MPDZ: variants seen among roughly 807,000 people sequenced by gnomAD.
MPDZ encodes multiple PDZ domain protein.
In MPDZ, 234 loss-of-function variants were observed where a neutral mutation model predicts 239.1. The ratio of observed to expected loss-of-function variants is 0.98; its 90% CI spans 0.88 to 1.09. The LOEUF is 1.09. Ranked by LOEUF, MPDZ falls within the 50% of genes least tolerant of loss-of-function variation. The pLI is 0.00. For missense variants in MPDZ, 3,175 were observed against 2,510.0 expected, an observed-to-expected ratio of 1.26 and a Z score of -5.66; for synonymous variants, 1,048 against 881.3, an observed-to-expected ratio of 1.19 and a Z score of -3.35.
intron 6 of MPDZ, among the ~76,000 whole-genome samples, chr9:13,221,920 T>C (rs1587909796): frequency 6.6e-6 from 1 of 152,168 alleles, no homozygotes; most frequent in East Asian, 1.9e-4. Flanking sequence ...ACAATATAAT[T>C]GTATAATTTT....
intron 5 of MPDZ, among the ~76,000 whole-genome samples, chr9:13,222,757 A>G (rs1005424157): frequency 2.0e-5 from 3 of 152,076 alleles, no homozygotes; most frequent in African/African-American, 7.2e-5. Flanking sequence ...ATATATCTAT[A>G]CAGTTGGCCT....
intron 16 of MPDZ, 97 bp from the exon 17 acceptor site, chr9:13,189,090 A>C: frequency 1.1e-4 from 118 of 1,034,436 alleles, no homozygotes; most frequent in Non-Finnish European, 1.5e-4. Flanking sequence ...TAATTGTCTC[A>C]AGTGCCTTTA....
At chr9:13,235,045 A>C (rs1447553189) in intron 3 of MPDZ, among the ~76,000 whole-genome samples, 2 of 152,132 alleles carry the variant, frequency 1.3e-5, no homozygotes, top group Non-Finnish European at 2.9e-5. Flanking sequence ...GCAAGTTTGG[A>C]ACCTAGAGAG....
In MPDZ at chr9:13,109,062, A is replaced by G; in HGVS notation, c.5943-3T>C. On this transcript the variant is annotated splice_region_variant and splice_polypyrimidine_tract_variant and intron_variant, in intron 45 of 46. Transcript: ENST00000319217. ...TAATAGACTTACATTGAGGAGGTCT[A>G]CGGTGAAGGAAAGGAAAAAGAGGTT... 7.1e-7 allele frequency: 1 copy of G among 1,417,150 alleles called. No homozygotes were observed. The highest frequency in any genetic ancestry group is 1.9e-5 in the South Asian group (1 of 53,802). The allele number at this position is 1,417,150 out of a possible 1,614,324, so 87.8% of individuals were successfully genotyped here.
rs561954726 is a variant in MPDZ, at chr9:13,123,907, T to C, written c.4808-609A>G. 6.6e-5 allele frequency among the ~76,000 whole-genome samples: 10 copies of C among 152,316 alleles called. No homozygotes were observed. In the East Asian group the frequency reaches 1.9e-3, roughly 29 times the overall value. On this transcript the variant is annotated intron_variant, in intron 35 of 46. Coordinates refer to ENST00000319217, the MANE Select transcript of MPDZ (RefSeq NM_001378778.1). ...TGGGTCTCACTTGATGTTTTATACA[T>C]TCAGATGTCAAATCCTGGTGCATAT...
intron 1 of MPDZ, among the ~76,000 whole-genome samples, chr9:13,275,777 A>G (rs1974040112): frequency 6.6e-6 from 1 of 152,136 alleles, no homozygotes. Flanking sequence ...TTCCCTATCC[A>G]ACCTTTTCCC....
chr9:13,147,157 A>C (rs1948543461), intron 26 of MPDZ, among the ~76,000 whole-genome samples: 1 of 152,144 alleles, frequency 6.6e-6, no homozygotes, highest in South Asian at 2.1e-4. Flanking sequence ...CTAGAGAATA[A>C]ATTTCAAGAA....
chr9:13,236,235 ATG>A (rs1283618375), intron 3 of MPDZ, among the ~76,000 whole-genome samples: 986 of 24,052 alleles, frequency 0.041, 244 homozygotes, highest in Middle Eastern at 0.11. Context: ...GTATATGTAT[ATG>A]TGTGTGTGTG....
intron 3 of MPDZ, among the ~76,000 whole-genome samples, chr9:13,229,627 T>G (rs1315353883): frequency 6.7e-6 from 1 of 149,106 alleles, no homozygotes; most frequent in Non-Finnish European, 1.5e-5. Flanking sequence ...CCACACACAA[T>G]TACCTTAGAT....
Position 13,188,813 on chromosome 9 carries a change from C to T in MPDZ, c.2335G>A (p.Val779Met). Residue 779 changes from valine (V) to methionine (M), a missense_variant, in exon 17 of 47, where the codon GTG (valine) becomes ATG (methionine). Coordinates refer to ENST00000319217, the MANE Select transcript of MPDZ (RefSeq NM_001378778.1). ...AAAGGCTTAGCAACTCCTATTCTCA[C>T]AGTCCCTGACGGTGCTCCCTTCAGT... The part of the protein sequence containing the change: ...EALKGAPSGT[V>M]RIGVAKPLPL... The T allele has an allele frequency of 6.2e-7, 1 of 1,613,318 alleles. No individual in the cohort carries two copies. The highest frequency in any genetic ancestry group is 1.1e-5 in the South Asian group (1 of 91,044).
intron 38 of MPDZ, chr9:13,120,717 G>T (rs1944218006): frequency 1.3e-5 from 2 of 152,174 alleles, no homozygotes; most frequent in African/African-American, 4.8e-5. Flanking sequence ...GCAGAACCAG[G>T]TGTCTATGCT....
chr9:13,112,904 C>T (rs1239557727), intron 42 of MPDZ, 107 bp downstream of exon 42: 2 of 1,104,608 alleles, frequency 1.8e-6, no homozygotes, highest in African/African-American at 1.6e-5. Flanking sequence ...AGAATACATA[C>T]TTTTTGAGAT....
chr9:13,264,619 T>C (rs771926319), intron 1 of MPDZ, among the ~76,000 whole-genome samples: 2 of 150,522 alleles, frequency 1.3e-5, no homozygotes, highest in Non-Finnish European at 2.9e-5. Flanking sequence ...CATTGCATTA[T>C]ATTTATTTCC....
intron 19 of MPDZ, among the ~76,000 whole-genome samples, chr9:13,180,290 G>A (rs1483324073): frequency 6.6e-6 from 1 of 152,126 alleles, no homozygotes; most frequent in Non-Finnish European, 1.5e-5. Context: ...TAGTTGAGTT[G>A]ACGTACAAGG....
At position 13,123,317 on chromosome 9, in the gene MPDZ, T is replaced by C. The variant is rs772117712; in HGVS notation, c.4808-19A>G. 3.2e-5 allele frequency: 50 copies of C among 1,575,478 alleles called. No individual in the cohort carries two copies. Among genetic ancestry groups the C allele is most frequent in the Non-Finnish European group, 3.9e-5 (45 of 1,160,478 alleles). ...CTTGTATCTAAAAATAAGTTAAAAA[T>C]GAAATACAAATAAAAATTGGTTACT... On this transcript the variant is annotated intron_variant, in intron 35 of 46. Coordinates refer to ENST00000319217, the MANE Select transcript of MPDZ (RefSeq NM_001378778.1).
At chr9:13,228,920 T>A (rs1961513070) in intron 3 of MPDZ, among the ~76,000 whole-genome samples, 1 of 152,168 alleles carries the variant, frequency 6.6e-6, no homozygotes, top group Non-Finnish European at 1.5e-5. Context: ...ATTTAGCTGG[T>A]ACAAGCTAGC....
Position 13,125,217 on chromosome 9 carries a change from TC to T in MPDZ, c.4805del (p.Arg1602GlnfsTer40). On this transcript the variant is annotated frameshift_variant and splice_region_variant, in exon 35 of 47. Transcript: ENST00000319217. LOFTEE classifies it high-confidence loss of function. ...CTCTCATGAGTCCAGAGGCCTTACT[TC>T]GGATGGACTCCGGTTCTGGGGAGCC... The part of the protein sequence containing the change: ...QSGSPEPESI[R>X]NTSRSSTPAI... The T allele has an allele frequency of 6.3e-7, 1 of 1,590,342 alleles. No homozygotes were observed. Among genetic ancestry groups the T allele is most frequent in the Non-Finnish European group, 8.6e-7 (1 of 1,165,734 alleles).
At position 13,250,396 on chromosome 9, in the gene MPDZ, G is replaced by A. The variant is rs142180353; in HGVS notation, c.-57-24C>T. 1.2e-5 allele frequency: 15 copies of A among 1,251,800 alleles called. No individual in the cohort carries two copies. The African/African-American group carries it at 1.6e-4, about 14-fold the overall frequency. 77.5% of individuals were successfully genotyped at this position (1,251,800 alleles called of 1,614,324 possible). A position where few individuals can be genotyped will look rare whatever the true frequency, so the allele number is the denominator to read the frequency against. On this transcript the variant is annotated intron_variant, in intron 1 of 46. Coordinates refer to ENST00000319217, the MANE Select transcript of MPDZ (RefSeq NM_001378778.1). ...CTCTGTGCAAAAAAGAAATAGAATG[G>A]TTATGTTTTATCAGAACTTTATATT...
rs1942547507 is a variant in MPDZ at position 13,111,918 on chromosome 9, A to G, written c.5724+106T>C. The G allele has an allele frequency of 2.6e-6, 3 of 1,135,916 alleles. No homozygotes were observed. The Admixed American group carries it at 7.1e-5, about 27-fold the overall frequency. The allele number at this position is 1,135,916 out of a possible 1,614,324, so 70.4% of individuals were successfully genotyped here. A position where few individuals can be genotyped will look rare whatever the true frequency, so the allele number is the denominator to read the frequency against. On this transcript the variant is annotated intron_variant, in intron 43 of 46. Coordinates refer to ENST00000319217, the MANE Select transcript of MPDZ (RefSeq NM_001378778.1). The stretch of plus-strand genomic sequence containing the variant: ...GTTGGATTAGATGATTTAAAAGTAA[A>G]TATAGATATTTAAAACTGCCTTGCA...
Sources: allele counts gnomAD v4.1 joint callset (sites outside exome capture counted in the v4.1 genomes callset), GRCh38; gene constraint gnomAD v4.1.1; transcripts MANE v1.5; gene names NCBI Gene and HGNC (gene_info 2026-07-23, HGNC 2026-07-21).